The following CCDC195 variants were observed in gnomAD, a reference collection of about 807,000 sequenced individuals.
The protein encoded by CCDC195 is coiled-coil domain-containing protein 195.
intron 2 of CCDC195, among the ~76,000 whole-genome samples, chr2:224,704,934 C>T (rs1216426551): frequency 6.6e-6 from 1 of 152,120 alleles, no homozygotes; most frequent in Admixed American, 6.6e-5. Flanking sequence ...GCCAGCTGCA[C>T]CCTCTTTTGG....
chr2:224,706,058 T>C (rs1697236533), intron 2 of CCDC195, among the ~76,000 whole-genome samples: 2 of 152,110 alleles, frequency 1.3e-5, no homozygotes, highest in Non-Finnish European at 2.9e-5. Flanking sequence ...CATTATGATA[T>C]ATACACTGTA....
intron 2 of CCDC195, among the ~76,000 whole-genome samples, chr2:224,704,610 C>CTTT (rs55801561): frequency 3.3e-3 from 362 of 110,600 alleles, no homozygotes; most frequent in Non-Finnish European, 3.8e-3. Context: ...CTTTTCTTTT[C>CTTT]TTTTTTTTTT....
chr2:224,716,359 C>T, exon 1 of CCDC195: 2 of 398,644 alleles, frequency 5.0e-6, no homozygotes, highest in Non-Finnish European at 8.8e-6. Flanking sequence ...TGGATATCAG[C>T]TTCCATTGTC....
intron 1 of CCDC195, among the ~76,000 whole-genome samples, 181 bp from the exon 2 acceptor site, chr2:224,710,400 T>C (rs1190570012): frequency 6.6e-6 from 1 of 152,240 alleles, no homozygotes; most frequent in Non-Finnish European, 1.5e-5. Flanking sequence ...CCCAGCACTT[T>C]GGGAGGCCAA....
intron 2 of CCDC195, among the ~76,000 whole-genome samples, chr2:224,705,398 A>C (rs925755745): frequency 1.3e-5 from 2 of 152,242 alleles, no homozygotes; most frequent in African/African-American, 4.8e-5. Flanking sequence ...ATTAAGAAAA[A>C]ATTAAAATCC....
At chr2:224,711,971 A>G (rs1039829339) in intron 1 of CCDC195, among the ~76,000 whole-genome samples, 1 of 152,358 alleles carries the variant, frequency 6.6e-6, no homozygotes. Context: ...GTGACTACTT[A>G]CAAACATAAA....
At chr2:224,709,086 C>CTTTTTTTTTTTTTTTTTTT (rs35179742) in intron 2 of CCDC195, among the ~76,000 whole-genome samples, 1 of 95,766 alleles carries the variant, frequency 1.0e-5, no homozygotes, top group Non-Finnish European at 2.0e-5. Flanking sequence ...TTTCTTTTGT[C>CTTTTTTTTTTTTTTTTTTT]TTTTTTTTTT....
At chr2:224,707,108 G>A (rs775056664) in intron 2 of CCDC195, among the ~76,000 whole-genome samples, 3 of 151,940 alleles carry the variant, frequency 2.0e-5, no homozygotes, top group African/African-American at 2.4e-5. Flanking sequence ...CTGTTAGCAC[G>A]CTTGGCAAAG....
chr2:224,709,513 C>T (rs192690841), intron 2 of CCDC195, among the ~76,000 whole-genome samples: 103 of 152,308 alleles, frequency 6.8e-4, no homozygotes, highest in African/African-American at 2.3e-3. Context: ...TCCCCTAACG[C>T]CCACTAAGGC....
intron 1 of CCDC195, among the ~76,000 whole-genome samples, chr2:224,715,482 A>T (rs527780210): frequency 2.0e-5 from 3 of 152,378 alleles, no homozygotes; most frequent in South Asian, 2.1e-4. Context: ...TGCAGTATTC[A>T]TTCATACAGG....
intron 2 of CCDC195, among the ~76,000 whole-genome samples, chr2:224,704,610 C>CTTTTTTTTTTTTTTTCTTTT (rs1697215999): frequency 2.3e-4 from 25 of 110,614 alleles, no homozygotes; most frequent in African/African-American, 3.2e-4. Flanking sequence ...CTTTTCTTTT[C>CTTTTTTTTTTTTTTTCTTTT]TTTTTTTTTT....
chr2:224,705,008 T>G (rs958621226), intron 2 of CCDC195, among the ~76,000 whole-genome samples: 5 of 152,154 alleles, frequency 3.3e-5, no homozygotes, highest in Admixed American at 1.3e-4. Context: ...CACTGCCACT[T>G]GGTGAGCGGT....
intron 1 of CCDC195, among the ~76,000 whole-genome samples, chr2:224,711,349 C>A (rs535202588): frequency 2.1e-5 from 3 of 144,190 alleles, no homozygotes; most frequent in African/African-American, 7.9e-5. Flanking sequence ...TGAGGTAAAT[C>A]AAATCTTCCC....
chr2:224,711,565 C>G (rs2124852584), intron 1 of CCDC195, among the ~76,000 whole-genome samples: 1 of 152,124 alleles, frequency 6.6e-6, no homozygotes, highest in East Asian at 1.9e-4. Flanking sequence ...CAACACTGAT[C>G]TCATGGGTTG....
At chr2:224,704,610 C>T (rs200306575) in intron 2 of CCDC195, among the ~76,000 whole-genome samples, 68 of 110,498 alleles carry the variant, frequency 6.2e-4, no homozygotes, top group Middle Eastern at 6.3e-3. Flanking sequence ...CTTTTCTTTT[C>T]TTTTTTTTTT....
intron 2 of CCDC195, among the ~76,000 whole-genome samples, chr2:224,705,243 A>G (rs935921337): frequency 1.3e-5 from 2 of 152,192 alleles, no homozygotes; most frequent in African/African-American, 4.8e-5. Flanking sequence ...TATTTATTGT[A>G]ATGAATCTGG....
At chr2:224,714,190 C>T (rs145694661) in intron 1 of CCDC195, among the ~76,000 whole-genome samples, 1 of 152,206 alleles carries the variant, frequency 6.6e-6, no homozygotes, top group African/African-American at 2.4e-5. Context: ...GAAATTACCA[C>T]CCATATGCTG....
exon 3 of CCDC195, chr2:224,703,851 C>T (rs912844313): frequency 1.3e-5 from 5 of 398,506 alleles, no homozygotes; most frequent in Non-Finnish European, 2.2e-5. Flanking sequence ...AAGACATGTC[C>T]ATGGGTAACA....
At chr2:224,710,440 T>A (rs530389153) in intron 1 of CCDC195, among the ~76,000 whole-genome samples, 4 of 152,252 alleles carry the variant, frequency 2.6e-5, no homozygotes, top group Admixed American at 2.0e-4. Context: ...CAGGCGATGG[T>A]GACCATCCTG....
Sources: gnomAD v4.1 joint callset for allele counts (sites outside exome capture counted in the v4.1 genomes callset) on GRCh38, gnomAD v4.1.1 for gene constraint, MANE v1.5 for transcripts, NCBI Gene and HGNC (gene_info 2026-07-23, HGNC 2026-07-21) for gene names.